PAH: variants seen among roughly 807,000 people sequenced by gnomAD.
PAH encodes phenylalanine-4-hydroxylase.
Under a neutral mutation model 62.0 loss-of-function variants are expected in PAH, and 64 were observed. The observed-to-expected ratio is 1.03, with a 90% CI of 0.84 to 1.27. The LOEUF (loss-of-function observed/expected upper bound fraction) is 1.27, where lower values mean the gene tolerates loss of function less well. Ranked by LOEUF, PAH falls within the 50% of genes most tolerant of loss-of-function variation. PAH has a pLI of 0.00. For synonymous variants in PAH, 195 were observed against 196.2 expected, an observed-to-expected ratio of 0.99 and a Z score of 0.05; for missense variants, 579 against 542.8, an observed-to-expected ratio of 1.07 and a Z score of -0.66.
chr12:102,863,231 G>A (rs567590139), intron 5 of PAH, among the ~76,000 whole-genome samples: 2 of 152,204 alleles, frequency 1.3e-5, no homozygotes, highest in East Asian at 3.9e-4. Flanking sequence ...CCTAACAATT[G>A]GATAATTGAT....
chr12:102,877,068 G>A (rs1718300), intron 4 of PAH, among the ~76,000 whole-genome samples: 57,087 of 151,744 alleles, frequency 0.38, 11,398 homozygotes, highest in Non-Finnish European at 0.44. Flanking sequence ...CAGTTTCAAC[G>A]TCGCCACTCC....
chr12:102,915,914 G>A (rs1208261251), intron 1 of PAH, among the ~76,000 whole-genome samples: 1 of 151,932 alleles, frequency 6.6e-6, no homozygotes, highest in Non-Finnish European at 1.5e-5. Flanking sequence ...TATAATTTGT[G>A]GATTCTCAAT....
intron 2 of PAH, among the ~76,000 whole-genome samples, chr12:102,909,819 C>T (rs1190111480): frequency 6.6e-6 from 1 of 152,058 alleles, no homozygotes; most frequent in African/African-American, 2.4e-5. Flanking sequence ...ATTAGCTGGG[C>T]ATGGTGGCAT....
At chr12:102,870,534 A>G (rs1244494464) in intron 4 of PAH, among the ~76,000 whole-genome samples, 2 of 152,210 alleles carry the variant, frequency 1.3e-5, no homozygotes, top group Non-Finnish European at 2.9e-5. Context: ...AAATGGCAGG[A>G]AATCCAAAGA....
At chr12:102,881,157 G>A (rs1471089426) in intron 3 of PAH, among the ~76,000 whole-genome samples, 1 of 151,032 alleles carries the variant, frequency 6.6e-6, no homozygotes, top group East Asian at 1.9e-4. Flanking sequence ...GGGAATACAG[G>A]TGCGTGCCAC....
intron 10 of PAH, among the ~76,000 whole-genome samples, 192 bp from the exon 11 acceptor site, chr12:102,843,971 G>A (rs1874714191): frequency 6.6e-6 from 1 of 152,124 alleles, no homozygotes; most frequent in African/African-American, 2.4e-5. Context: ...AAAACCTACA[G>A]CCAAGGGAGA....
At chr12:102,939,327 A>G (rs1242819111) in intron 1 of PAH, among the ~76,000 whole-genome samples, 2 of 152,118 alleles carry the variant, frequency 1.3e-5, no homozygotes, top group African/African-American at 2.4e-5. Context: ...CAGAAGACCT[A>G]TGGAAAAGAG....
At chr12:102,853,577 A>G (rs113437991) in intron 6 of PAH, among the ~76,000 whole-genome samples, 7,379 of 152,308 alleles carry the variant, frequency 0.048, 204 homozygotes, top group African/African-American at 0.054. Context: ...TGCTCTATGA[A>G]TTGGCAGGTA....
In PAH at chr12:102,933,385, C is replaced by CAT. The variant is rs541447200; in HGVS notation, c.-95-16162_-95-16161dup. Among the ~76,000 whole-genome samples the CAT allele has an allele frequency of 2.5e-3, 373 of 152,192 alleles. 2 individuals are homozygous for CAT. The highest frequency in any genetic ancestry group is 8.4e-3 in the African/African-American group (347 of 41,542). On this transcript the variant is annotated intron_variant, in intron 1 of 3. Coordinates refer to the PAH transcript ENST00000546844. ...GCATATCTATTCATTTGTTAATAGG[C>CAT]ATAGGTTGCTTGCAAATTTTGCCTA... is the stretch of plus-strand genomic sequence containing the variant.
intron 5 of PAH, among the ~76,000 whole-genome samples, chr12:102,863,796 G>A (rs1303617958): frequency 6.6e-6 from 1 of 152,080 alleles, no homozygotes; most frequent in Non-Finnish European, 1.5e-5. Context: ...ATCCAGTAGA[G>A]CTCTCCTTTA....
At chr12:102,878,272 G>A (rs1204392425) in intron 3 of PAH, among the ~76,000 whole-genome samples, 5 of 152,194 alleles carry the variant, frequency 3.3e-5, no homozygotes, top group Non-Finnish European at 7.3e-5. Flanking sequence ...TCTTTCGATC[G>A]CAAAGCCAGT....
intron 1 of PAH, among the ~76,000 whole-genome samples, chr12:102,938,347 T>G (rs980812467): frequency 6.6e-6 from 1 of 152,188 alleles, no homozygotes. Flanking sequence ...CATGGACAAC[T>G]GCCTAGAGTC....
chr12:102,867,289 T>C (rs540637038), intron 4 of PAH, among the ~76,000 whole-genome samples: 2 of 152,264 alleles, frequency 1.3e-5, no homozygotes, highest in South Asian at 2.1e-4. Context: ...CCATCAGTAA[T>C]TGTCAGCCTT....
At chr12:102,917,722 C>T (rs902123331), upstream of PAH, 1 of 159,120 alleles carries the variant, frequency 6.3e-6, no homozygotes, top group African/African-American at 2.4e-5. Flanking sequence ...GGCACGTGAA[C>T]GCTGAGCACA....
chr12:102,855,122 T>C lies in PAH; in HGVS notation c.706+14A>G. 1 of 1,609,760 alleles carries C rather than the reference T, an allele frequency of 6.2e-7. No individual in the cohort carries two copies. The highest frequency in any genetic ancestry group is 8.5e-7 in the Non-Finnish European group (1 of 1,176,018). Reference sequence around the variant, plus strand: ...CAACTTTCTGCAGGGCCATTGACCCTGATGTGGACTTACTCTGCAGGAACT... The same window carrying C: ...CAACTTTCTGCAGGGCCATTGACCCCGATGTGGACTTACTCTGCAGGAACT... On this transcript the variant is annotated intron_variant, in intron 6 of 12. Coordinates refer to ENST00000553106, the MANE Select transcript of PAH (RefSeq NM_000277.3).
At chr12:102,887,514 G>A (rs1000850357) in intron 3 of PAH, among the ~76,000 whole-genome samples, 6 of 152,034 alleles carry the variant, frequency 3.9e-5, no homozygotes, top group Non-Finnish European at 8.8e-5. Flanking sequence ...CTATGTCCAC[G>A]GAGCTGGTGG....
At chr12:102,892,695 T>G (rs1877324055) in intron 3 of PAH, among the ~76,000 whole-genome samples, 1 of 152,218 alleles carries the variant, frequency 6.6e-6, no homozygotes, top group East Asian at 1.9e-4. Flanking sequence ...CTGAAAAGGC[T>G]ACATACTGTA....
At chr12:102,871,939 AAAAAAAAAAAATATATATATATATAT>A (rs1397591746) in intron 4 of PAH, among the ~76,000 whole-genome samples, 797 of 15,844 alleles carry the variant, frequency 0.05, 11 homozygotes, top group African/African-American at 0.1. Context: ...AAAAAAAAAA[AAAAAAAAAAAATATATATATATATAT>A]ATATATATAT....
intron 1 of PAH, among the ~76,000 whole-genome samples, chr12:102,942,937 A>C (rs1461692990): frequency 6.6e-6 from 1 of 151,980 alleles, no homozygotes; most frequent in African/African-American, 2.4e-5. Flanking sequence ...AAAGACCTAA[A>C]ACTTTAAAAA....
Sources: gnomAD v4.1 joint callset for allele counts (sites outside exome capture counted in the v4.1 genomes callset) on GRCh38, gnomAD v4.1.1 for gene constraint, MANE v1.5 for transcripts, NCBI Gene and HGNC (gene_info 2026-07-23, HGNC 2026-07-21) for gene names.